Variants in SMARCC2 observed in about 807,000 individuals in gnomAD.
SMARCC2 encodes the protein SWI/SNF complex subunit SMARCC2.
SMARCC2 carries 15 observed loss-of-function variants against 151.3 expected under a neutral mutation model. The ratio of observed to expected loss-of-function variants is 0.10; its 90% CI spans 0.07 to 0.15. SMARCC2 has a LOEUF of 0.15. Among genes scored for constraint, SMARCC2 ranks in the 10% least tolerant of loss-of-function variants. The probability of loss-of-function intolerance (pLI) is 1.00; values close to 1 mark genes in which losing one functional copy is unlikely to be tolerated. For synonymous variants in SMARCC2, 590 were observed against 609.5 expected (o/e 0.97, Z 0.47); for missense variants, 1,031 against 1,599.7 (o/e 0.64, Z 6.06).
rs566146008 is a variant in SMARCC2, at chr12:56,188,551, C to T, written c.111+800G>A. Among the ~76,000 whole-genome samples, 5 of 152,314 alleles carry T rather than the reference C, an allele frequency of 3.3e-5. No individual in the cohort carries two copies. In the East Asian group the frequency reaches 9.6e-4, roughly 29 times the overall value. ...CCAGGAAGAGGTTTGGTAGAAAAGA[C>T]AGGTAAGGATTCTTGAACCTTTTGT... On this transcript the variant is annotated intron_variant, in intron 1 of 28. Coordinates refer to ENST00000550164, the MANE Select transcript of SMARCC2 (RefSeq NM_001330288.2).
chr12:56,177,235 C>G (rs757046327), intron 15 of SMARCC2, among the ~76,000 whole-genome samples: 3 of 152,176 alleles, frequency 2.0e-5, no homozygotes, highest in African/African-American at 7.2e-5. Flanking sequence ...TGAGCCACCA[C>G]ACCCAGCCTT....
Position 56,181,615 on chromosome 12 carries a change from AG to A in SMARCC2, c.841-19del. ...CTGTTCACCTATAGGATGGAGAATC[AG>A]GACAAATGTCAGCCTACAATCCCCA... On this transcript the variant is annotated intron_variant, in intron 9 of 28. Coordinates refer to ENST00000550164, the MANE Select transcript of SMARCC2 (RefSeq NM_001330288.2). 6.2e-7 allele frequency: 1 copy of A among 1,606,076 alleles called. No homozygotes were observed. The highest frequency in any genetic ancestry group is 2.2e-5 in the East Asian group (1 of 44,828).
rs772856600 is a variant in SMARCC2, at chr12:56,184,839, T to C, written c.492+5A>G. 25 of 1,563,918 alleles carry C rather than the reference T, an allele frequency of 1.6e-5. No individual in the cohort carries two copies. The African/African-American group carries it at 2.4e-4, about 15-fold the overall frequency. Reference sequence around the variant, plus strand: ...TCTGAAACCTCTCCTCACCAGACCATTTACCTGGTGTCTCTTGATAATGTC... The same window carrying C: ...TCTGAAACCTCTCCTCACCAGACCACTTACCTGGTGTCTCTTGATAATGTC... On this transcript the variant is annotated splice_donor_5th_base_variant and intron_variant, in intron 5 of 28. Coordinates refer to ENST00000550164, the MANE Select transcript of SMARCC2 (RefSeq NM_001330288.2).
chr12:56,166,624 C>G (rs1592275795), intron 26 of SMARCC2, among the ~76,000 whole-genome samples: 1 of 149,414 alleles, frequency 6.7e-6, no homozygotes, highest in Non-Finnish European at 1.5e-5. Context: ...GGGTCTCACT[C>G]TGTCACCCAG....
At position 56,176,951 on chromosome 12, in the gene SMARCC2, A is replaced by G. The variant is rs112098885; in HGVS notation, c.1382+1071T>C. Among the ~76,000 whole-genome samples, 500 of 151,836 alleles carry G rather than the reference A, an allele frequency of 3.3e-3. 2 individuals are homozygous for G. Among genetic ancestry groups the G allele is most frequent in the Non-Finnish European group, 6.1e-3 (417 of 67,962 alleles). On this transcript the variant is annotated intron_variant, in intron 15 of 28. Coordinates refer to ENST00000550164, the MANE Select transcript of SMARCC2 (RefSeq NM_001330288.2). Reference sequence around the variant, plus strand: ...ATTCTCCTGCCTCAGCCTCCCTAGTAGTTGGGATTACAGGCACGTGCCACC... The same window carrying G: ...ATTCTCCTGCCTCAGCCTCCCTAGTGGTTGGGATTACAGGCACGTGCCACC...
intron 7 of SMARCC2, among the ~76,000 whole-genome samples, chr12:56,182,967 AG>A (rs1171051332): frequency 1.3e-5 from 2 of 148,834 alleles, no homozygotes; most frequent in East Asian, 3.9e-4. Context: ...CCAAGTAGCT[AG>A]GACTACAGGT....
At position 56,178,105 on chromosome 12, in the gene SMARCC2, G is replaced by A; in HGVS notation, c.1311-12C>T. ...CAATGGCATGAACACTGCAAGAAAA[G>A]CCAGAATGGTTTCAGAAGAAGGCAT... On this transcript the variant is annotated splice_polypyrimidine_tract_variant and intron_variant, in intron 14 of 28. Transcript: ENST00000550164. The A allele has an allele frequency of 6.2e-7, 1 of 1,608,414 alleles. No individual in the cohort carries two copies. Among genetic ancestry groups the A allele is most frequent in the Non-Finnish European group, 8.5e-7 (1 of 1,176,576 alleles).
In SMARCC2 at chr12:56,163,327, C is replaced by CTT. The variant is rs35695803; in HGVS notation, c.*360_*361dup. On this transcript the variant is annotated 3_prime_UTR_variant, in exon 29 of 29. Transcript: ENST00000550164. ...CTCCAATGTGGCTTTTTAAAATCTA[C>CTT]TTTTTTTTTTTTTTTTTAATCCATA... 72 of 139,872 alleles carry CTT rather than the reference C, an allele frequency of 5.1e-4. 1 individual carries two copies. Among genetic ancestry groups the CTT allele is most frequent in the African/African-American group, 1.4e-3 (54 of 37,250 alleles). The allele number at this position is 139,872 out of a possible 1,614,324, so 8.7% of individuals were successfully genotyped here. A position where few individuals can be genotyped will look rare whatever the true frequency, so the allele number is the denominator to read the frequency against.
Position 56,185,022 on chromosome 12 carries a change from C to T in SMARCC2, c.399+8G>A, listed in dbSNP as rs755092296. 4.4e-6 allele frequency: 7 copies of T among 1,606,750 alleles called. No homozygotes were observed. The South Asian group carries it at 6.6e-5, about 15-fold the overall frequency. ...GGAAGGGAGATAAATAGGGTATATG[C>T]CTATTACCTGCACCAAGGACTTCTC... is the stretch of plus-strand genomic sequence containing the variant. On this transcript the variant is annotated splice_region_variant and intron_variant, in intron 4 of 28. Transcript: ENST00000550164.
At chr12:56,180,571 T>A (rs1382564462) in intron 11 of SMARCC2, among the ~76,000 whole-genome samples, 1 of 151,574 alleles carries the variant, frequency 6.6e-6, no homozygotes, top group Non-Finnish European at 1.5e-5. Context: ...GCCCAGCTAA[T>A]TTTTGTATTT....
chr12:56,174,546 T>A, intron 16 of SMARCC2, 105 bp downstream of exon 16: 11 of 734,140 alleles, frequency 1.5e-5, no homozygotes, highest in Non-Finnish European at 7.2e-6. Context: ...GGTGCTTTTT[T>A]CTGTCTGCTC....
chr12:56,172,055 T>A, intron 20 of SMARCC2, 118 bp from the exon 21 acceptor site: 1 of 890,840 alleles, frequency 1.1e-6, no homozygotes, highest in Non-Finnish European at 1.7e-6. Context: ...GGTATTTGTG[T>A]ACTCTGCTAG....
At chr12:56,180,003 T>C (rs1004331454) in intron 11 of SMARCC2, among the ~76,000 whole-genome samples, 1 of 151,976 alleles carries the variant, frequency 6.6e-6, no homozygotes, top group Non-Finnish European at 1.5e-5. Flanking sequence ...TTTGTTTTTA[T>C]CATTCTTTAC....
At chr12:56,177,624 T>C (rs935131963) in intron 15 of SMARCC2, among the ~76,000 whole-genome samples, 2 of 151,862 alleles carry the variant, frequency 1.3e-5, no homozygotes, top group Admixed American at 6.6e-5. Context: ...CTTCTCTTGT[T>C]TTTCTATTAA....
At chr12:56,186,275 G>A (rs781183964) in intron 2 of SMARCC2, 35 bp from the exon 3 acceptor site, 17 of 1,318,504 alleles carry the variant, frequency 1.3e-5, no homozygotes, top group Admixed American at 8.4e-5. Context: ...GCATGTCAAG[G>A]TTCCACTGTA....
chr12:56,174,812 G>A, intron 15 of SMARCC2, 48 bp from the exon 16 acceptor site: 1 of 1,257,414 alleles, frequency 8.0e-7, no homozygotes, highest in Admixed American at 1.7e-5. Flanking sequence ...ATAAATGTTT[G>A]TTAAAGGGCT....
At chr12:56,178,637 T>C (rs1875499131) in intron 13 of SMARCC2, 103 bp from the exon 14 acceptor site, 1 of 1,553,040 alleles carries the variant, frequency 6.4e-7, no homozygotes, top group Non-Finnish European at 8.9e-7. Flanking sequence ...AGATGGGTGA[T>C]GGGACTGAGC....
chr12:56,173,982 C>T (rs560376303), intron 16 of SMARCC2, 133 bp from the exon 17 acceptor site: 72 of 715,228 alleles, frequency 1.0e-4, no homozygotes, highest in Non-Finnish European at 1.6e-4. Flanking sequence ...GTTCATTGTA[C>T]TCCTTAAGAA....
intron 16 of SMARCC2, among the ~76,000 whole-genome samples, chr12:56,174,180 G>A (rs1382185283): frequency 4.6e-5 from 7 of 152,058 alleles, no homozygotes; most frequent in African/African-American, 1.4e-4. Context: ...TGTGATCACC[G>A]CTCACTGCAG....
Sources: gnomAD v4.1 joint callset for allele counts (sites outside exome capture counted in the v4.1 genomes callset) on GRCh38, gnomAD v4.1.1 for gene constraint, MANE v1.5 for transcripts, NCBI Gene and HGNC (gene_info 2026-07-23, HGNC 2026-07-21) for gene names.